AKT3: variants seen among roughly 807,000 people sequenced by gnomAD.
AKT3 encodes the protein AKT serine/threonine kinase 3.
In AKT3, 15 loss-of-function variants were observed where a neutral mutation model predicts 65.3. That is an observed-to-expected ratio of 0.23 (90% CI 0.15 to 0.35). AKT3 has a LOEUF of 0.35. Ranked by LOEUF, AKT3 falls within the 10% of genes least tolerant of loss-of-function variation. AKT3 has a pLI of 1.00. For synonymous variants in AKT3, 206 were observed against 183.8 expected, an observed-to-expected ratio of 1.12 and a Z score of -0.98; for missense variants, 243 against 576.5, an observed-to-expected ratio of 0.42 and a Z score of 5.92.
At chr1:243,511,014 C>T (rs1193793383) in intron 13 of AKT3, among the ~76,000 whole-genome samples, 1 of 152,244 alleles carries the variant, frequency 6.6e-6, no homozygotes, top group Non-Finnish European at 1.5e-5. Flanking sequence ...GCTACTTGCC[C>T]ATGACTCCAC....
At chr1:243,629,977 C>G (rs1451538198) in intron 6 of AKT3, among the ~76,000 whole-genome samples, 1 of 152,056 alleles carries the variant, frequency 6.6e-6, no homozygotes, top group African/African-American at 2.4e-5. Flanking sequence ...AAAGTCCCCC[C>G]ACTCCCATAT....
chr1:243,718,455 T>C (rs994318554), intron 2 of AKT3, among the ~76,000 whole-genome samples: 3 of 152,226 alleles, frequency 2.0e-5, no homozygotes, highest in East Asian at 1.9e-4. Flanking sequence ...TCTACTGTTT[T>C]GTTTTGTTTT....
chr1:243,685,702 A>G (rs568851466), intron 3 of AKT3, among the ~76,000 whole-genome samples: 9 of 152,234 alleles, frequency 5.9e-5, no homozygotes, highest in Admixed American at 5.2e-4. Context: ...GCACAAGACA[A>G]GGATGCCCTC....
intron 12 of AKT3, 96 bp from the exon 13 acceptor site, chr1:243,512,522 G>A: frequency 1.3e-6 from 1 of 753,858 alleles, no homozygotes; most frequent in Non-Finnish European, 2.1e-6. Context: ...TAAATGAACA[G>A]AACAAAAGTC....
chr1:243,541,004 G>A (rs1257785138), intron 12 of AKT3, among the ~76,000 whole-genome samples: 1 of 152,130 alleles, frequency 6.6e-6, no homozygotes, highest in Non-Finnish European at 1.5e-5. Context: ...TGATCACTTG[G>A]TTAAAACTGT....
intron 2 of AKT3, among the ~76,000 whole-genome samples, chr1:243,731,719 A>G (rs546970166): frequency 6.6e-6 from 1 of 152,334 alleles, no homozygotes. Context: ...AAAAGTCAGT[A>G]AGCTCAAGTC....
intron 10 of AKT3, 115 bp downstream of exon 10, chr1:243,563,605 G>C: frequency 3.0e-6 from 4 of 1,316,598 alleles, no homozygotes; most frequent in Non-Finnish European, 4.0e-6. Context: ...TTTTGATTCA[G>C]GTTGAAATAT....
intron 3 of AKT3, among the ~76,000 whole-genome samples, chr1:243,689,327 G>C (rs1684539976): frequency 6.6e-6 from 1 of 151,830 alleles, no homozygotes; most frequent in South Asian, 2.1e-4. Flanking sequence ...AGAATTACAA[G>C]GTTATTATTC....
intron 3 of AKT3, among the ~76,000 whole-genome samples, chr1:243,677,250 A>G (rs1409882487): frequency 1.3e-5 from 2 of 151,806 alleles, no homozygotes; most frequent in African/African-American, 4.8e-5. Flanking sequence ...TCTTATTCCA[A>G]CTCATACTCT....
In AKT3 at chr1:243,843,146, C is replaced by G; in HGVS notation, c.25G>C (p.Glu9Gln). 2 of 1,614,012 alleles carry G rather than the reference C, an allele frequency of 1.2e-6. No homozygotes were observed. Among genetic ancestry groups the G allele is most frequent in the Non-Finnish European group, 1.7e-6 (2 of 1,179,934 alleles). The change falls in exon 2 of 14, where the codon GAA (glutamate) becomes CAA (glutamine). Residue 9 changes from glutamate (E) to glutamine (Q), a missense_variant. Glu to Gln is a conservative substitution (Grantham distance 29). This residue lies in a region of AKT3 where 29 missense variants were observed against 91.3 expected (regional missense o/e 0.32). Transcript: ENST00000673466. MSDVTIVK[E>Q]GWVQKRGEYI... ...TTACCCCTCTTCTGAACCCAACCTTCTTTCACAATGGTAACATCGCTCATG... is the reference window on the plus strand; with the variant it reads ...TTACCCCTCTTCTGAACCCAACCTTGTTTCACAATGGTAACATCGCTCATG...
intron 2 of AKT3, among the ~76,000 whole-genome samples, chr1:243,795,659 G>T (rs1477498453): frequency 6.6e-6 from 1 of 150,800 alleles, no homozygotes; most frequent in Non-Finnish European, 1.5e-5. Flanking sequence ...TTTTAGTAGA[G>T]ACGGGGTTTC....
intron 6 of AKT3, 71 bp downstream of exon 6, chr1:243,637,540 A>T: frequency 7.4e-7 from 1 of 1,344,218 alleles, no homozygotes; most frequent in Non-Finnish European, 1.0e-6. Flanking sequence ...TTAGCATGTA[A>T]ATTCATGAGC....
At chr1:243,572,678 A>T (rs529600972) in intron 9 of AKT3, among the ~76,000 whole-genome samples, 1 of 152,200 alleles carries the variant, frequency 6.6e-6, no homozygotes, top group Non-Finnish European at 1.5e-5. Context: ...ATCACGTTTA[A>T]CATTTTTATT....
At position 243,743,481 on chromosome 1, in the gene AKT3, A is replaced by T. The variant is rs1462370725; in HGVS notation, c.47-47765T>A. Among the ~76,000 whole-genome samples the T allele has an allele frequency of 5.3e-5, 8 of 152,366 alleles. No individual in the cohort carries two copies. The East Asian group carries it at 1.5e-3, about 29-fold the overall frequency. On this transcript the variant is annotated intron_variant, in intron 2 of 13. Transcript: ENST00000673466. ...AAATCAATTCCATGGTTTGAAATACATAGTTTTATTAAGGAAAAAAATATT... is the reference window on the plus strand; with the variant it reads ...AAATCAATTCCATGGTTTGAAATACTTAGTTTTATTAAGGAAAAAAATATT...
chr1:243,634,118 T>C (rs1008616429), intron 6 of AKT3, among the ~76,000 whole-genome samples: 18 of 152,080 alleles, frequency 1.2e-4, no homozygotes, highest in Admixed American at 8.5e-4. Flanking sequence ...TCAAATAGCA[T>C]AGTATTTGCA....
intron 6 of AKT3, among the ~76,000 whole-genome samples, chr1:243,618,603 G>A (rs1678510822): frequency 6.6e-6 from 1 of 151,888 alleles, no homozygotes; most frequent in Non-Finnish European, 1.5e-5. Flanking sequence ...TTTTTTTCAT[G>A]GAAAAGCTTT....
At chr1:243,558,723 C>T (rs1354785478) in intron 10 of AKT3, among the ~76,000 whole-genome samples, 1 of 152,022 alleles carries the variant, frequency 6.6e-6, no homozygotes, top group Non-Finnish European at 1.5e-5. Flanking sequence ...GTTTCCAAAA[C>T]CACCTTATTC....
intron 8 of AKT3, among the ~76,000 whole-genome samples, chr1:243,586,508 G>GGT (rs1468650610): frequency 6.6e-6 from 1 of 151,954 alleles, no homozygotes. Flanking sequence ...AAGAAAATGT[G>GGT]GTGTATATAT....
chr1:243,758,643 T>C (rs1689292812), intron 2 of AKT3, among the ~76,000 whole-genome samples: 1 of 152,150 alleles, frequency 6.6e-6, no homozygotes, highest in African/African-American at 2.4e-5. Flanking sequence ...CTGAAACTGT[T>C]CCACTCAGAT....
Sources: allele counts gnomAD v4.1 joint callset (sites outside exome capture counted in the v4.1 genomes callset), GRCh38; gene constraint gnomAD v4.1.1; regional missense constraint gnomAD v4.1.1; transcripts MANE v1.5; gene names NCBI Gene and HGNC (gene_info 2026-07-23, HGNC 2026-07-21).